The following SNX25 variants were observed in gnomAD, a reference collection of about 807,000 sequenced individuals.
SNX25 encodes sorting nexin 25.
A neutral mutation model predicts 113.7 loss-of-function variants in SNX25; 62 were observed. The observed-to-expected ratio is 0.55, with a 90% CI of 0.44 to 0.67. The LOEUF (loss-of-function observed/expected upper bound fraction) is 0.67. Among genes scored for constraint, SNX25 ranks in the 30% least tolerant of loss-of-function variants. SNX25 has a pLI of 0.00. For missense variants in SNX25, 1,014 were observed against 1,161.0 expected, an observed-to-expected ratio of 0.87 and a Z score of 1.84; for synonymous variants, 421 against 436.2, an observed-to-expected ratio of 0.97 and a Z score of 0.43.
At chr4:185,307,955 A>T (rs1240724994) in intron 6 of SNX25, among the ~76,000 whole-genome samples, 1 of 152,152 alleles carries the variant, frequency 6.6e-6, no homozygotes, top group Non-Finnish European at 1.5e-5. Flanking sequence ...GATGGGGTTT[A>T]GTTATATTGC....
downstream of SNX25, among the ~76,000 whole-genome samples, chr4:185,368,863 G>A (rs964425973): frequency 2.7e-5 from 4 of 148,544 alleles, no homozygotes; most frequent in African/African-American, 5.0e-5. Context: ...GCACAGCCTC[G>A]GCTCACTGCA....
At chr4:185,304,495 T>A (rs1754171233) in intron 6 of SNX25, among the ~76,000 whole-genome samples, 1 of 152,166 alleles carries the variant, frequency 6.6e-6, no homozygotes, top group Non-Finnish European at 1.5e-5. Flanking sequence ...GTAGCTGGGA[T>A]TACAGGCATG....
chr4:185,240,640 G>A (rs1246800571), intron 1 of SNX25, among the ~76,000 whole-genome samples: 6 of 148,470 alleles, frequency 4.0e-5, no homozygotes, highest in Non-Finnish European at 9.0e-5. Flanking sequence ...GCGGCTGGCT[G>A]GGCGGGGGGC....
At chr4:185,352,307 A>G (rs920938681) in intron 14 of SNX25, among the ~76,000 whole-genome samples, 37 of 152,134 alleles carry the variant, frequency 2.4e-4, no homozygotes, top group African/African-American at 7.2e-4. Context: ...CCCTCAGTCC[A>G]TTGCCAAATG....
At chr4:185,257,011 A>G (rs1347580613) in intron 2 of SNX25, among the ~76,000 whole-genome samples, 1 of 152,050 alleles carries the variant, frequency 6.6e-6, no homozygotes, top group Non-Finnish European at 1.5e-5. Context: ...AAATTATTTG[A>G]CACGTATAGG....
intron 8 of SNX25, 50 bp downstream of exon 8, chr4:185,320,914 T>A (rs1454690250): frequency 1.8e-5 from 27 of 1,478,404 alleles, no homozygotes; most frequent in Non-Finnish European, 2.2e-5. Flanking sequence ...GATGTAAACT[T>A]GGCATGTGAG....
intron 10 of SNX25, among the ~76,000 whole-genome samples, 175 bp from the exon 11 acceptor site, chr4:185,339,203 AT>A (rs1211318795): frequency 6.6e-6 from 1 of 152,010 alleles, no homozygotes; most frequent in African/African-American, 2.4e-5. Flanking sequence ...ATCCCTAAGA[AT>A]TTTTTTAATG....
downstream of SNX25, among the ~76,000 whole-genome samples, chr4:185,373,624 T>C (rs1403579573): frequency 6.6e-6 from 1 of 152,182 alleles, no homozygotes; most frequent in African/African-American, 2.4e-5. Flanking sequence ...ATGGCCTTAG[T>C]TGTTATGTGT....
chr4:185,293,613 A>C (rs927574138), intron 6 of SNX25, among the ~76,000 whole-genome samples: 1 of 152,200 alleles, frequency 6.6e-6, no homozygotes, highest in African/African-American at 2.4e-5. Context: ...TAGTATTTAC[A>C]TTATATTTTT....
chr4:185,378,078 TA>T, the SNX25 span: 1 of 1,609,300 alleles, frequency 6.2e-7, no homozygotes, highest in Non-Finnish European at 8.5e-7. Context: ...TCAGGATTTG[TA>T]CCAGTCTTTT....
Position 185,234,638 on chromosome 4 carries a change from C to T in SNX25, c.430-12656C>T, listed in dbSNP as rs1219219922. Among the ~76,000 whole-genome samples the T allele has an allele frequency of 1.6e-4, 3 of 18,392 alleles. 1 individual carries two copies. The highest frequency in any genetic ancestry group is 4.2e-4 in the Non-Finnish European group (3 of 7,212). 12.1% of individuals were successfully genotyped at this position (18,392 alleles called of 152,430 possible). ...CGGAGCTTGCAGTGAGCCGAGATCG[C>T]GCCACTGCACTCCAGCCTGGGCGAC... On this transcript the variant is annotated intron_variant, in intron 1 of 18. Transcript: ENST00000652585.
chr4:185,205,850 G>A (rs988638885), upstream of SNX25, among the ~76,000 whole-genome samples: 1 of 152,096 alleles, frequency 6.6e-6, no homozygotes, highest in African/African-American at 2.4e-5. Context: ...ACAAACTGTG[G>A]TCAAAAGTTT....
exon 1 of SNX25, chr4:185,204,378 A>G (rs1737094554): frequency 6.6e-6 from 1 of 152,232 alleles, no homozygotes; most frequent in African/African-American, 2.4e-5. Flanking sequence ...GATATTTTCT[A>G]TCAGCAAATT....
At chr4:185,266,124 G>GT (rs1340806557) in intron 4 of SNX25, among the ~76,000 whole-genome samples, 1 of 152,162 alleles carries the variant, frequency 6.6e-6, no homozygotes, top group Non-Finnish European at 1.5e-5. Context: ...TAAGCCAGCT[G>GT]TGCCCATCAG....
intron 15 of SNX25, among the ~76,000 whole-genome samples, chr4:185,354,506 CT>C (rs2126747968): frequency 6.6e-6 from 1 of 152,294 alleles, no homozygotes; most frequent in African/African-American, 2.4e-5. Flanking sequence ...TTCTACTGTG[CT>C]CAGGACAGCC....
intron 1 of SNX25, 122 bp from the exon 2 acceptor site, chr4:185,247,170 TTC>T: frequency 1.6e-6 from 1 of 637,004 alleles, no homozygotes; most frequent in Non-Finnish European, 2.7e-6. Context: ...GTGGAAAAAC[TTC>T]TGTTATTCGT....
At position 185,210,188 on chromosome 4, in the gene SNX25, A is replaced by C. The variant is rs4323150; in HGVS notation, c.362A>C (p.Gln121Pro). 11,025 of 984,572 alleles carry C rather than the reference A, an allele frequency of 0.011. 783 individuals are homozygous for C. The African/African-American group carries it at 0.16, about 15-fold the overall frequency. The allele number at this position is 984,572 out of a possible 1,614,324, so 61.0% of individuals were successfully genotyped here. A position where few individuals can be genotyped will look rare whatever the true frequency, so the allele number is the denominator to read the frequency against. Residue 121 changes from glutamine to proline, a missense_variant, in exon 1 of 19, where the codon CAG (glutamine) becomes CCG (proline). By Grantham distance (76) the Gln-to-Pro change is moderately conservative. Transcript: ENST00000652585. This position sits in a 1 kb window ranked among gnomAD's most constrained non-coding sequence, Gnocchi z 4.4. ...CTCGTCTGCCGGAGCCCGCGCGCCC[A>C]GCCGCCCGACTTCGCCGCCGCCTGG... ...FALVCRSPRA[Q>P]PPDFAAAWSR...
intron 1 of SNX25, among the ~76,000 whole-genome samples, chr4:185,242,799 C>T (rs893542281): frequency 1.3e-5 from 2 of 152,150 alleles, no homozygotes; most frequent in African/African-American, 4.8e-5. Flanking sequence ...CAGAGACTTG[C>T]CCCCGAGGCC....
rs1171045471 is a variant in SNX25 at position 185,232,797 on chromosome 4, T to C, written c.430-14497T>C. Among the ~76,000 whole-genome samples, 1 of 152,236 alleles carries C rather than the reference T, an allele frequency of 6.6e-6. No individual in the cohort carries two copies. The highest frequency in any genetic ancestry group is 6.5e-5 in the Admixed American group (1 of 15,286). ...TGACATGAGAATTCTTTTTCCAATA[T>C]ACTTTAATATGTATGAACTTCAAAA... On this transcript the variant is annotated intron_variant, in intron 1 of 18. Coordinates refer to ENST00000652585, the MANE Select transcript of SNX25 (RefSeq NM_001378034.2). This position sits in a 1 kb window ranked among gnomAD's most constrained non-coding sequence, Gnocchi z 4.4.
Sources: gnomAD v4.1 joint callset for allele counts (sites outside exome capture counted in the v4.1 genomes callset) on GRCh38, gnomAD v4.1.1 for gene constraint, Gnocchi (gnomAD v3.1) non-coding constraint, MANE v1.5 for transcripts, NCBI Gene and HGNC (gene_info 2026-07-23, HGNC 2026-07-21) for gene names.